The following SPOCK3 variants were observed in gnomAD, a reference collection of about 807,000 sequenced individuals.
SPOCK3 encodes testican-3.
In SPOCK3, 30 loss-of-function variants were observed where a neutral mutation model predicts 56.6. That is an observed-to-expected ratio of 0.53 (90% CI 0.40 to 0.72). SPOCK3 has a LOEUF of 0.72. SPOCK3 is among the 30% of genes least tolerant of loss of function. The pLI is 0.00. For synonymous variants in SPOCK3, 196 were observed against 183.3 expected (o/e 1.07, Z -0.56); for missense variants, 527 against 530.0 (o/e 0.99, Z 0.06).
At chr4:167,021,639 C>T (rs1751186467) in intron 3 of SPOCK3, among the ~76,000 whole-genome samples, 1 of 151,950 alleles carries the variant, frequency 6.6e-6, no homozygotes. Flanking sequence ...CTGGCACCAA[C>T]TAACTTGAGG....
chr4:166,897,863 T>C (rs1272446321), intron 5 of SPOCK3, among the ~76,000 whole-genome samples: 4 of 152,126 alleles, frequency 2.6e-5, no homozygotes, highest in Admixed American at 2.6e-4. Context: ...ACAAGGGTAG[T>C]GAAAGGCTCA....
intron 2 of SPOCK3, among the ~76,000 whole-genome samples, chr4:167,125,231 T>A (rs369495053): frequency 1.5e-4 from 19 of 125,638 alleles, no homozygotes; most frequent in South Asian, 1.2e-3. Flanking sequence ...TTATTTATTT[T>A]TATTTATTTT....
chr4:167,044,550 G>A (rs1413331550), intron 3 of SPOCK3, among the ~76,000 whole-genome samples: 1 of 151,826 alleles, frequency 6.6e-6, no homozygotes, highest in Non-Finnish European at 1.5e-5. Context: ...TGCATTCAAT[G>A]GTATAAACTT....
At chr4:166,974,507 T>A (rs1561073601) in intron 4 of SPOCK3, among the ~76,000 whole-genome samples, 1 of 152,316 alleles carries the variant, frequency 6.6e-6, no homozygotes, top group East Asian at 1.9e-4. Flanking sequence ...ATGTTTTTAA[T>A]ACCAAATAAT....
chr4:167,048,375 T>C (rs961340480), intron 3 of SPOCK3, among the ~76,000 whole-genome samples: 1 of 152,006 alleles, frequency 6.6e-6, no homozygotes, highest in Non-Finnish European at 1.5e-5. Flanking sequence ...GAAAGTATTA[T>C]ACAGGTGATT....
chr4:166,885,442 G>C (rs1439781282), intron 6 of SPOCK3, among the ~76,000 whole-genome samples: 8 of 126,572 alleles, frequency 6.3e-5, no homozygotes, highest in Admixed American at 3.3e-4. Flanking sequence ...TCATATGTTT[G>C]ACTCAGATAA....
chr4:166,783,213 G>C (rs1740364361), intron 7 of SPOCK3, among the ~76,000 whole-genome samples: 1 of 152,152 alleles, frequency 6.6e-6, no homozygotes, highest in African/African-American at 2.4e-5. Context: ...ACAAAATTTA[G>C]CCAGGCATGG....
intron 2 of SPOCK3, chr4:167,083,087 A>G (rs774887557): frequency 4.1e-5 from 29 of 714,364 alleles, no homozygotes; most frequent in Non-Finnish European, 6.4e-5. Context: ...AATACCAAAG[A>G]GCCCCCCTCA....
intron 2 of SPOCK3, among the ~76,000 whole-genome samples, chr4:167,152,185 T>C (rs2150418654): frequency 6.6e-6 from 1 of 152,310 alleles, no homozygotes; most frequent in East Asian, 1.9e-4. Flanking sequence ...TGGCCATTAG[T>C]TATGGGAACA....
intron 7 of SPOCK3, among the ~76,000 whole-genome samples, chr4:166,783,903 T>C (rs905461948): frequency 6.6e-6 from 1 of 152,146 alleles, no homozygotes; most frequent in East Asian, 1.9e-4. Context: ...TAAATATATG[T>C]GGTAACATAA....
intron 6 of SPOCK3, among the ~76,000 whole-genome samples, chr4:166,827,018 T>C (rs543638614): frequency 9.2e-5 from 14 of 152,208 alleles, no homozygotes; most frequent in African/African-American, 3.4e-4. Context: ...TTATTTCATT[T>C]TGCTTTGTTT....
At chr4:166,885,594 C>T (rs1041729787) in intron 6 of SPOCK3, among the ~76,000 whole-genome samples, 4 of 152,062 alleles carry the variant, frequency 2.6e-5, no homozygotes, top group African/African-American at 9.7e-5. Flanking sequence ...TCTACTTCCT[C>T]CTTTTTTACC....
chr4:166,856,780 T>TTATCTATC (rs75127358), intron 6 of SPOCK3, among the ~76,000 whole-genome samples: 38,875 of 149,220 alleles, frequency 0.26, 6,361 homozygotes, highest in South Asian at 0.38. Flanking sequence ...CTCAAAAAAA[T>TTATCTATC]TATCTATCTA....
chr4:166,904,285 G>A (rs1048118999), intron 5 of SPOCK3, among the ~76,000 whole-genome samples: 1 of 151,850 alleles, frequency 6.6e-6, no homozygotes, highest in Non-Finnish European at 1.5e-5. Flanking sequence ...AAATTAAGAA[G>A]TTAATGCATA....
intron 2 of SPOCK3, among the ~76,000 whole-genome samples, chr4:167,176,858 G>A (rs1392421981): frequency 1.3e-5 from 2 of 152,086 alleles, no homozygotes; most frequent in South Asian, 2.1e-4. Context: ...CCTGTCAAAC[G>A]TTGCAAACAT....
At chr4:167,103,462 C>A (rs554469493) in intron 2 of SPOCK3, among the ~76,000 whole-genome samples, 2 of 152,148 alleles carry the variant, frequency 1.3e-5, no homozygotes, top group Non-Finnish European at 2.9e-5. Context: ...ACTAGCCTGG[C>A]AGTACTCCCT....
intron 6 of SPOCK3, among the ~76,000 whole-genome samples, chr4:166,885,416 A>C (rs1734087873): frequency 6.6e-6 from 1 of 151,420 alleles, no homozygotes; most frequent in Non-Finnish European, 1.5e-5. Context: ...CTCTTTGCTC[A>C]AGAACATAAA....
At chr4:167,095,516 T>C (rs1759073921) in intron 2 of SPOCK3, among the ~76,000 whole-genome samples, 1 of 151,864 alleles carries the variant, frequency 6.6e-6, no homozygotes, top group African/African-American at 2.4e-5. Flanking sequence ...AAACAGTAGA[T>C]AAAATTAACA....
Position 166,741,998 on chromosome 4 carries a change from T to C in SPOCK3, c.993A>G (p.Leu331=). 6.2e-7 allele frequency: 1 copy of C among 1,609,830 alleles called. No individual in the cohort carries two copies. The highest frequency in any genetic ancestry group is 1.3e-5 in the African/African-American group (1 of 74,938). ...IQKRQGVKKL[L]GQYIPLCDED... ...TCAGAAGAATGATCTATTACTCACCTAGGAGCTTCTTTACCCCTTGCCGCT... is the reference window on the plus strand; with the variant it reads ...TCAGAAGAATGATCTATTACTCACCCAGGAGCTTCTTTACCCCTTGCCGCT... The change falls in exon 9 of 11, where the codon CTA becomes CTG. Residue 331 remains leucine (L), a splice_region_variant and synonymous_variant. Coordinates refer to ENST00000357545, the MANE Select transcript of SPOCK3 (RefSeq NM_001040159.2).
Sources: allele counts gnomAD v4.1 joint callset (sites outside exome capture counted in the v4.1 genomes callset), GRCh38; gene constraint gnomAD v4.1.1; transcripts MANE v1.5; gene names NCBI Gene and HGNC (gene_info 2026-07-23, HGNC 2026-07-21).